Variants in EXT2 observed in about 807,000 individuals in gnomAD.
EXT2 encodes the protein exostosin-2.
Under a neutral mutation model 81.6 loss-of-function variants are expected in EXT2, and 53 were observed. That is an observed-to-expected ratio of 0.65 (90% CI 0.52 to 0.82). The LOEUF is 0.82. EXT2 is among the 40% of genes least tolerant of loss of function. EXT2 has a pLI of 0.00. For synonymous variants in EXT2, 320 were observed against 340.0 expected, an observed-to-expected ratio of 0.94 and a Z score of 0.65; for missense variants, 774 against 910.2, an observed-to-expected ratio of 0.85 and a Z score of 1.93.
chr11:44,171,987 G>A, intron 8 of EXT2: 1 of 537,802 alleles, frequency 1.9e-6, no homozygotes, highest in Non-Finnish European at 3.3e-6. Context: ...TTATTGCAGA[G>A]ATAAGTAAGG....
At chr11:44,173,810 G>T (rs1044409744) in intron 8 of EXT2, among the ~76,000 whole-genome samples, 1 of 151,698 alleles carries the variant, frequency 6.6e-6, no homozygotes, top group East Asian at 1.9e-4. Flanking sequence ...CTTGTGATCC[G>T]CCTGCCTCGG....
intron 10 of EXT2, among the ~76,000 whole-genome samples, chr11:44,223,817 AT>A (rs1955808754): frequency 6.6e-6 from 1 of 151,912 alleles, no homozygotes; most frequent in African/African-American, 2.4e-5. Flanking sequence ...GGCCCGGCTA[AT>A]TTTTTTGAAT....
At chr11:44,100,986 C>T (rs369071085) in intron 1 of EXT2, among the ~76,000 whole-genome samples, 48 of 152,312 alleles carry the variant, frequency 3.2e-4, no homozygotes, top group African/African-American at 1.2e-3. Flanking sequence ...TTCTTGTGCT[C>T]CTCAAGATCT....
chr11:44,222,126 T>C (rs1167989968), intron 10 of EXT2, among the ~76,000 whole-genome samples: 1 of 152,186 alleles, frequency 6.6e-6, no homozygotes, highest in Non-Finnish European at 1.5e-5. Context: ...CTGGTTTAGA[T>C]CAAGAGTTGG....
intron 7 of EXT2, among the ~76,000 whole-genome samples, chr11:44,168,496 T>A (rs1395613283): frequency 2.0e-5 from 3 of 152,178 alleles, no homozygotes; most frequent in African/African-American, 7.2e-5. Flanking sequence ...GAAGAAGCGC[T>A]ACAATCCTCA....
chr11:44,225,684 A>G (rs1955830972), intron 10 of EXT2, among the ~76,000 whole-genome samples: 1 of 152,196 alleles, frequency 6.6e-6, no homozygotes, highest in South Asian at 2.1e-4. Context: ...TAGAATTAGC[A>G]TAGTAGGAAG....
chr11:44,147,775 C>CTTTTTTTTTT (rs66961451), intron 7 of EXT2, among the ~76,000 whole-genome samples: 53 of 103,350 alleles, frequency 5.1e-4, no homozygotes, highest in Middle Eastern at 0.01. Context: ...TCCACATTGT[C>CTTTTTTTTTT]TTTTTTTTTT....
At chr11:44,204,096 C>T (rs1227587054) in intron 9 of EXT2, among the ~76,000 whole-genome samples, 2 of 152,220 alleles carry the variant, frequency 1.3e-5, no homozygotes, top group African/African-American at 2.4e-5. Context: ...CAAATCTGAA[C>T]AGAGTCTAAC....
chr11:44,130,054 G>A lies in EXT2; in HGVS notation c.1089G>A (p.Val363=). 6.2e-7 allele frequency: 1 copy of A among 1,613,938 alleles called. No individual in the cohort carries two copies. The highest frequency in any genetic ancestry group is 8.5e-7 in the Non-Finnish European group (1 of 1,179,818). The change falls in exon 7 of 14, where the codon GTG becomes GTA. Residue 363 remains valine (V), a synonymous_variant. Transcript: ENST00000533608. ...TTGCTGTTGTCTCCAGAGCATCTGT[G>A]GTTGTACCAGAAGAAAAGATGTCAG... ...SEVLDWKRAS[V]VVPEEKMSDV...
chr11:44,109,308 C>G (rs376270193), intron 3 of EXT2, 25 bp downstream of exon 3: 147 of 1,571,896 alleles, frequency 9.4e-5, no homozygotes, highest in Non-Finnish European at 1.2e-4. Flanking sequence ...TGGGGCTGTC[C>G]TTATGATGGG....
intron 7 of EXT2, chr11:44,144,201 T>C (rs753171432): frequency 2.0e-6 from 3 of 1,533,942 alleles, no homozygotes; most frequent in South Asian, 2.2e-5. Context: ...TATTTATTTA[T>C]TTTTGATGAC....
chr11:44,105,693 T>C (rs1006588575), intron 1 of EXT2, among the ~76,000 whole-genome samples: 3 of 152,226 alleles, frequency 2.0e-5, no homozygotes, highest in African/African-American at 7.2e-5. Context: ...CTCAAGGCTC[T>C]GCCCTCCCCC....
At chr11:44,195,655 A>G (rs1305870688) in intron 8 of EXT2, among the ~76,000 whole-genome samples, 1 of 152,098 alleles carries the variant, frequency 6.6e-6, no homozygotes, top group Non-Finnish European at 1.5e-5. Flanking sequence ...TGTTGTCACA[A>G]AGTTGGTGAT....
At chr11:44,237,495 T>C (rs1955979570) in intron 13 of EXT2, among the ~76,000 whole-genome samples, 1 of 152,204 alleles carries the variant, frequency 6.6e-6, no homozygotes, top group South Asian at 2.1e-4. Flanking sequence ...TGACATACAC[T>C]GTCGTAGCTC....
intron 1 of EXT2, among the ~76,000 whole-genome samples, chr11:44,106,909 G>A (rs1457956936): frequency 6.6e-6 from 1 of 152,208 alleles, no homozygotes; most frequent in Non-Finnish European, 1.5e-5. Flanking sequence ...GATTATAGAC[G>A]TGAGCCACCG....
chr11:44,244,379 G>C lies in EXT2; in HGVS notation c.*92G>C. ...CTCTGATGTCAGAGTAGTAGGTTAAGGGTGGAAGGTTGACCTACTTGGATC... is the reference window on the plus strand; with the variant it reads ...CTCTGATGTCAGAGTAGTAGGTTAACGGTGGAAGGTTGACCTACTTGGATC... On this transcript the variant is annotated 3_prime_UTR_variant, in exon 14 of 14. Coordinates refer to ENST00000533608, the MANE Select transcript of EXT2 (RefSeq NM_207122.2). 1.4e-6 allele frequency: 2 copies of C among 1,448,732 alleles called. No individual in the cohort carries two copies. Among genetic ancestry groups the C allele is most frequent in the Non-Finnish European group, 1.9e-6 (2 of 1,033,092 alleles). 89.7% of individuals were successfully genotyped at this position (1,448,732 alleles called of 1,614,324 possible). A position where few individuals can be genotyped will look rare whatever the true frequency, so the allele number is the denominator to read the frequency against.
chr11:44,141,624 C>T (rs755134463), intron 7 of EXT2, among the ~76,000 whole-genome samples: 1 of 152,184 alleles, frequency 6.6e-6, no homozygotes, highest in African/African-American at 2.4e-5. Flanking sequence ...TGATCATGAA[C>T]AATCTTCATT....
intron 10 of EXT2, among the ~76,000 whole-genome samples, chr11:44,223,532 A>G (rs1379835285): frequency 6.6e-6 from 1 of 152,194 alleles, no homozygotes; most frequent in Non-Finnish European, 1.5e-5. Context: ...CCAGTCCAAA[A>G]AGGTCACATA....
intron 13 of EXT2, among the ~76,000 whole-genome samples, chr11:44,236,973 T>C (rs929785486): frequency 6.6e-6 from 1 of 152,164 alleles, no homozygotes; most frequent in African/African-American, 2.4e-5. Flanking sequence ...GAGTGGGAGA[T>C]GTATGTCTTC....
Sources: allele counts gnomAD v4.1 joint callset (sites outside exome capture counted in the v4.1 genomes callset), GRCh38; gene constraint gnomAD v4.1.1; transcripts MANE v1.5; gene names NCBI Gene and HGNC (gene_info 2026-07-23, HGNC 2026-07-21).